Variants in ADGRL3 observed in about 807,000 individuals in gnomAD.
The protein encoded by ADGRL3 is calcium-independent alpha-latrotoxin receptor 3.
In ADGRL3, 62 loss-of-function variants were observed where a neutral mutation model predicts 153.5. The ratio of observed to expected loss-of-function variants is 0.40; its 90% CI spans 0.33 to 0.50. The LOEUF (loss-of-function observed/expected upper bound fraction) is 0.50. Ranked by LOEUF, ADGRL3 falls within the 20% of genes least tolerant of loss-of-function variation. ADGRL3 has a pLI of 0.47. For missense variants in ADGRL3, 1,641 were observed against 1,859.4 expected (o/e 0.88, Z 2.16); for synonymous variants, 710 against 672.5 (o/e 1.06, Z -0.86).
At chr4:61,320,060 G>A (rs2095322987) in intron 1 of ADGRL3, among the ~76,000 whole-genome samples, 1 of 152,098 alleles carries the variant, frequency 6.6e-6, no homozygotes, top group Admixed American at 6.6e-5. Flanking sequence ...AGACACCAGA[G>A]CTCTCTTTCT....
chr4:61,561,427 T>G (rs920889594), intron 4 of ADGRL3, among the ~76,000 whole-genome samples: 4 of 152,192 alleles, frequency 2.6e-5, no homozygotes, highest in Non-Finnish European at 5.9e-5. Flanking sequence ...ATCTTTATGT[T>G]TCCTGACAAA....
intron 8 of ADGRL3, among the ~76,000 whole-genome samples, chr4:61,764,158 G>A (rs1327020512): frequency 6.6e-6 from 1 of 151,966 alleles, no homozygotes; most frequent in African/African-American, 2.4e-5. Context: ...AATTAATTTG[G>A]TAACACTATT....
intron 17 of ADGRL3, among the ~76,000 whole-genome samples, chr4:61,950,083 G>A (rs1162273967): frequency 6.6e-6 from 1 of 152,054 alleles, no homozygotes; most frequent in African/African-American, 2.4e-5. Flanking sequence ...TTCAAATTTA[G>A]TAACTGGTAA....
chr4:61,831,095 G>A (rs2148863466), intron 9 of ADGRL3, among the ~76,000 whole-genome samples: 1 of 150,858 alleles, frequency 6.6e-6, no homozygotes, highest in Non-Finnish European at 1.5e-5. Context: ...CACCGTGTTG[G>A]CCAGGCTGGT....
intron 8 of ADGRL3, among the ~76,000 whole-genome samples, chr4:61,766,360 G>A (rs570088787): frequency 5.9e-5 from 9 of 152,234 alleles, no homozygotes; most frequent in Non-Finnish European, 1.0e-4. Context: ...GCCTCTAAAA[G>A]TATTAATGCA....
chr4:61,376,057 A>G (rs992660363), intron 1 of ADGRL3, among the ~76,000 whole-genome samples: 2 of 152,160 alleles, frequency 1.3e-5, no homozygotes, highest in South Asian at 4.1e-4. Flanking sequence ...CTTCTTAAGT[A>G]CTTAAATATA....
intron 25 of ADGRL3, among the ~76,000 whole-genome samples, chr4:62,056,462 T>C (rs1414088316): frequency 3.3e-5 from 5 of 151,994 alleles, no homozygotes; most frequent in African/African-American, 1.2e-4. Context: ...GTGCACAATT[T>C]AGTGTACAAA....
Position 61,513,886 on chromosome 4 carries a change from C to T in ADGRL3, c.56-3429C>T, listed in dbSNP as rs959396340. ...TGCCTCAGAGCCAAAATTAACTTTG[C>T]GACATCTTAAAATTACATGCAACAG... On this transcript the variant is annotated intron_variant, in intron 3 of 26. Transcript: ENST00000683033. 7.2e-5 allele frequency among the ~76,000 whole-genome samples: 11 copies of T among 152,176 alleles called. No individual in the cohort carries two copies. In the Middle Eastern group the frequency reaches 0.01, roughly 141 times the overall value.
At chr4:61,912,624 T>G in intron 12 of ADGRL3, 95 bp from the exon 13 acceptor site, 1 of 1,083,382 alleles carries the variant, frequency 9.2e-7, no homozygotes, top group Non-Finnish European at 1.4e-6. Context: ...AATAAGGTGT[T>G]TTGTGTAGAT....
chr4:61,651,490 C>T (rs1217242093), intron 5 of ADGRL3, among the ~76,000 whole-genome samples: 2 of 152,080 alleles, frequency 1.3e-5, no homozygotes, highest in Non-Finnish European at 2.9e-5. Flanking sequence ...AATGCTTCTG[C>T]AATTTGGAAT....
At chr4:62,025,554 G>A (rs183323855) in intron 21 of ADGRL3, among the ~76,000 whole-genome samples, 30 of 152,122 alleles carry the variant, frequency 2.0e-4, no homozygotes, top group East Asian at 9.7e-4. Context: ...GCTCCTTTTC[G>A]AATATGGGTA....
intron 1 of ADGRL3, among the ~76,000 whole-genome samples, chr4:61,370,738 T>C (rs1578482609): frequency 6.6e-6 from 1 of 152,014 alleles, no homozygotes; most frequent in East Asian, 1.9e-4. Context: ...TGTAGATGTC[T>C]ATTAGGTCCG....
chr4:61,899,444 AG>A (rs1387680703), intron 11 of ADGRL3, among the ~76,000 whole-genome samples: 2 of 152,048 alleles, frequency 1.3e-5, no homozygotes, highest in Non-Finnish European at 2.9e-5. Flanking sequence ...CTGCCAGTAT[AG>A]TTTTGTGAAT....
At chr4:61,620,982 A>T (rs1474988569) in intron 5 of ADGRL3, among the ~76,000 whole-genome samples, 4 of 151,558 alleles carry the variant, frequency 2.6e-5, no homozygotes, top group Non-Finnish European at 4.4e-5. Flanking sequence ...TGTATTATGA[A>T]CAGATTTTAT....
At chr4:61,754,950 C>G (rs2096804556) in intron 8 of ADGRL3, among the ~76,000 whole-genome samples, 1 of 152,146 alleles carries the variant, frequency 6.6e-6, no homozygotes, top group South Asian at 2.1e-4. Flanking sequence ...GACATGAACT[C>G]ATCATTTTTT....
At chr4:62,011,451 G>A (rs1269911143) in intron 21 of ADGRL3, among the ~76,000 whole-genome samples, 1 of 152,072 alleles carries the variant, frequency 6.6e-6, no homozygotes, top group Admixed American at 6.6e-5. Context: ...ATGTCTTAGA[G>A]TATAAAAATG....
At chr4:61,898,623 T>C (rs1333837378) in intron 11 of ADGRL3, among the ~76,000 whole-genome samples, 1 of 135,124 alleles carries the variant, frequency 7.4e-6, no homozygotes, top group Non-Finnish European at 1.6e-5. Context: ...CACCCTAATC[T>C]TTTTTTTTTT....
chr4:61,619,569 T>C (rs182745511), intron 5 of ADGRL3, among the ~76,000 whole-genome samples: 5 of 152,144 alleles, frequency 3.3e-5, no homozygotes, highest in African/African-American at 9.6e-5. Flanking sequence ...ACCTCCTGTG[T>C]GTGTGTATTT....
At chr4:61,262,641 T>C (rs898361506) in intron 1 of ADGRL3, among the ~76,000 whole-genome samples, 2 of 152,102 alleles carry the variant, frequency 1.3e-5, no homozygotes, top group Non-Finnish European at 2.9e-5. Flanking sequence ...CTTAATCGTA[T>C]TTATTCTATC....
Sources: gnomAD v4.1 joint callset for allele counts (sites outside exome capture counted in the v4.1 genomes callset) on GRCh38, gnomAD v4.1.1 for gene constraint, MANE v1.5 for transcripts, NCBI Gene and HGNC (gene_info 2026-07-23, HGNC 2026-07-21) for gene names.